CEP85L: variants seen among roughly 807,000 people sequenced by gnomAD.
CEP85L encodes the protein centrosomal protein of 85 kDa-like.
Under a neutral mutation model 100.3 loss-of-function variants are expected in CEP85L, and 60 were observed. The ratio of observed to expected loss-of-function variants is 0.60; its 90% confidence interval spans 0.49 to 0.74. The LOEUF (loss-of-function observed/expected upper bound fraction) is 0.74. CEP85L is among the 30% of genes least tolerant of loss of function. The pLI is 0.00. For missense variants in CEP85L, 973 were observed against 936.2 expected (o/e 1.04, Z -0.51); for synonymous variants, 319 against 322.7 (o/e 0.99, Z 0.12).
At chr6:118,553,546 ATT>A (rs1236358553) in intron 3 of CEP85L, among the ~76,000 whole-genome samples, 3 of 152,192 alleles carry the variant, frequency 2.0e-5, no homozygotes, top group Non-Finnish European at 4.4e-5. Context: ...TGTAAAGCAG[ATT>A]TAAGTTTAGG....
intron 1 of CEP85L, among the ~76,000 whole-genome samples, chr6:118,644,498 A>G (rs1264304583): frequency 3.3e-5 from 5 of 151,656 alleles, no homozygotes; most frequent in African/African-American, 1.2e-4. Flanking sequence ...CATATTCAAC[A>G]TCTCACCTGA....
intron 2 of CEP85L, among the ~76,000 whole-genome samples, chr6:118,617,359 C>T (rs1381697799): frequency 6.6e-6 from 1 of 152,146 alleles, no homozygotes; most frequent in Non-Finnish European, 1.5e-5. Flanking sequence ...AGATTAACTG[C>T]CCATTTTTCT....
chr6:118,572,233 GA>G (rs200422436), intron 2 of CEP85L, among the ~76,000 whole-genome samples: 66 of 91,240 alleles, frequency 7.2e-4, no homozygotes, highest in African/African-American at 2.0e-3. Flanking sequence ...TGTTACATAG[GA>G]AAAAAAAAAC....
chr6:118,567,254 T>TAC (rs1779601999), intron 2 of CEP85L, among the ~76,000 whole-genome samples: 2 of 51,834 alleles, frequency 3.9e-5, no homozygotes, highest in Admixed American at 4.0e-4. Flanking sequence ...TGTGTGTATA[T>TAC]ATATATATAT....
chr6:118,655,738 A>G (rs150557216), upstream of CEP85L, among the ~76,000 whole-genome samples: 2 of 152,264 alleles, frequency 1.3e-5, no homozygotes, highest in African/African-American at 4.8e-5. Context: ...TCAGTGGAAA[A>G]GGGGATTTTC....
At chr6:118,705,949 C>G (rs1296110111) in intron 1 of CEP85L, among the ~76,000 whole-genome samples, 4 of 152,204 alleles carry the variant, frequency 2.6e-5, no homozygotes, top group Non-Finnish European at 4.4e-5. Context: ...GAGGCCTTTC[C>G]TGCTAAGCCC....
chr6:118,686,594 C>T (rs1167737957), intron 1 of CEP85L, among the ~76,000 whole-genome samples: 1 of 152,162 alleles, frequency 6.6e-6, no homozygotes, highest in Non-Finnish European at 1.5e-5. Flanking sequence ...AAGATAAACA[C>T]ATTTTGTTTT....
intron 10 of CEP85L, among the ~76,000 whole-genome samples, chr6:118,476,958 G>A (rs996495605): frequency 9.2e-5 from 14 of 152,184 alleles, no homozygotes; most frequent in Admixed American, 2.6e-4. Flanking sequence ...AAAGGCTTAC[G>A]GATTTGAAAT....
intron 1 of CEP85L, among the ~76,000 whole-genome samples, chr6:118,699,047 C>G (rs1777310451): frequency 6.6e-6 from 1 of 152,076 alleles, no homozygotes; most frequent in Non-Finnish European, 1.5e-5. Context: ...TATTAGAATG[C>G]ATTTGTGTTC....
rs1554210588 is a variant in CEP85L at position 118,514,538 on chromosome 6, A to AAAG, written c.1140-3124_1140-3123insCTT. 4.7e-4 allele frequency among the ~76,000 whole-genome samples: 69 copies of AAAG among 148,120 alleles called. 2 individuals are homozygous for AAAG. The highest frequency in any genetic ancestry group is 1.4e-3 in the East Asian group (7 of 5,150). On this transcript the variant is annotated intron_variant, in intron 4 of 12. Coordinates refer to ENST00000368491, the MANE Select transcript of CEP85L (RefSeq NM_001042475.3). ...AGACACTGTCTCAAAAAAAAAAAAA[A>AAAG]AAAAAGAAAACAAATACCAATATAG...
At chr6:118,678,862 G>A (rs1489846992) in intron 1 of CEP85L, among the ~76,000 whole-genome samples, 1 of 152,240 alleles carries the variant, frequency 6.6e-6, no homozygotes, top group African/African-American at 2.4e-5. Context: ...AACCCGGGAG[G>A]TGGAGGTTCC....
chr6:118,585,021 C>A (rs1780778014), intron 2 of CEP85L, among the ~76,000 whole-genome samples: 1 of 152,112 alleles, frequency 6.6e-6, no homozygotes, highest in African/African-American at 2.4e-5. Flanking sequence ...AGGAAACTCC[C>A]CTAGAGAACC....
At chr6:118,702,334 G>A (rs1777442049) in intron 1 of CEP85L, among the ~76,000 whole-genome samples, 1 of 151,946 alleles carries the variant, frequency 6.6e-6, no homozygotes, top group African/African-American at 2.4e-5. Flanking sequence ...AACATAGGGA[G>A]ACCCCATCTC....
At chr6:118,505,407 C>A (rs1460114520) in intron 5 of CEP85L, among the ~76,000 whole-genome samples, 1 of 26,866 alleles carries the variant, frequency 3.7e-5, no homozygotes, top group Admixed American at 3.1e-4. Flanking sequence ...CGTCACTGTA[C>A]TCAAAAAAAA....
At chr6:118,698,094 G>A (rs1030905947) in intron 1 of CEP85L, among the ~76,000 whole-genome samples, 2 of 152,194 alleles carry the variant, frequency 1.3e-5, no homozygotes. Flanking sequence ...CCTACTCAAA[G>A]CTGTTAGCCT....
intron 5 of CEP85L, among the ~76,000 whole-genome samples, chr6:118,503,738 G>GA (rs902941062): frequency 2.3e-4 from 18 of 77,586 alleles, no homozygotes; most frequent in East Asian, 1.0e-3. Flanking sequence ...CACATGCAAA[G>GA]AAAAAAAAAA....
chr6:118,672,105 C>G lies in CEP85L; in HGVS notation c.-27-19297G>C, dbSNP rs191023502. ...AGGTTGTAGTGCAGTGGTGCGATCT[C>G]AGCTCACTGCAACCTCTCCTTCCTG... On this transcript the variant is annotated intron_variant, in intron 1 of 13. Coordinates refer to the CEP85L transcript ENST00000368488. 8.5e-4 allele frequency among the ~76,000 whole-genome samples: 130 copies of G among 152,290 alleles called. 1 individual carries two copies. Among genetic ancestry groups the G allele is most frequent in the Middle Eastern group, 6.8e-3 (2 of 294 alleles).
At chr6:118,603,966 A>G (rs904952324) in intron 2 of CEP85L, among the ~76,000 whole-genome samples, 4 of 152,240 alleles carry the variant, frequency 2.6e-5, no homozygotes, top group African/African-American at 9.6e-5. Flanking sequence ...ATTTTACATA[A>G]CAATTATAAA....
intron 2 of CEP85L, among the ~76,000 whole-genome samples, chr6:118,590,267 T>A (rs59671368): frequency 0.47 from 70,759 of 151,930 alleles, 16,985 homozygotes; most frequent in Middle Eastern, 0.58. Flanking sequence ...GGACAAGGGG[T>A]CCTTGGCAAG....
Sources: allele counts gnomAD v4.1 joint callset (sites outside exome capture counted in the v4.1 genomes callset), GRCh38; gene constraint gnomAD v4.1.1; transcripts MANE v1.5; gene names NCBI Gene and HGNC (gene_info 2026-07-23, HGNC 2026-07-21).